COL16A1: variants seen among roughly 807,000 people sequenced by gnomAD.
The protein encoded by COL16A1 is collagen type XVI alpha 1 chain.
COL16A1 carries 189 observed loss-of-function variants against 266.3 expected under a neutral mutation model. The ratio of observed to expected loss-of-function variants is 0.71; its 90% CI spans 0.63 to 0.80. The LOEUF is 0.80. COL16A1 is among the 30% of genes least tolerant of loss of function. The pLI, the probability that COL16A1 is intolerant of heterozygous loss-of-function variation, is 0.00. For missense variants in COL16A1, 1,928 were observed against 2,122.4 expected, an observed-to-expected ratio of 0.91 and a Z score of 1.80; for synonymous variants, 740 against 782.3, an observed-to-expected ratio of 0.95 and a Z score of 0.90.
In COL16A1 at chr1:31,688,550, C is replaced by G; in HGVS notation, c.1768-48G>C. 2 of 1,612,864 alleles carry G rather than the reference C, an allele frequency of 1.2e-6. No individual in the cohort carries two copies. The highest frequency in any genetic ancestry group is 1.7e-6 in the Non-Finnish European group (2 of 1,178,876). On this transcript the variant is annotated intron_variant, in intron 25 of 70. Transcript: ENST00000373672. This position sits in a 1 kb window ranked among gnomAD's most constrained non-coding sequence, Gnocchi z 4.9. ...TCTCAGCATCTCCCCACTCCCACCT[C>G]TCCAAGGCTCCCCGGGTCCCAGTGT...
At position 31,693,109 on chromosome 1, in the gene COL16A1, C is replaced by T; in HGVS notation, c.1054G>A (p.Gly352Arg). ...RGLPGPPGSKGEKGARGNDCV... is the reference protein window; with the variant it reads ...RGLPGPPGSKREKGARGNDCV... The stretch of plus-strand genomic sequence containing the variant: ...ACACTTACCCGTGCTCCCTTCTCTC[C>T]CTTGGAGCCTGGTGGACCAGGCAGG... The change falls in exon 13 of 71, where the codon GGA becomes AGA. Residue 352 changes from glycine (G) to arginine (R), a missense_variant. By Grantham distance (125) the Gly-to-Arg change is moderately radical. Coordinates refer to ENST00000373672, the MANE Select transcript of COL16A1 (RefSeq NM_001856.4). 3 of 1,611,474 alleles carry T rather than the reference C, an allele frequency of 1.9e-6. No homozygotes were observed. The highest frequency in any genetic ancestry group is 2.5e-6 in the Non-Finnish European group (3 of 1,177,852).
Position 31,683,176 on chromosome 1 carries a change from A to T in COL16A1, c.2469+18T>A. The T allele has an allele frequency of 1.9e-6, 3 of 1,613,996 alleles. No individual in the cohort carries two copies. The highest frequency in any genetic ancestry group is 2.5e-6 in the Non-Finnish European group (3 of 1,179,948). On this transcript the variant is annotated intron_variant, in intron 36 of 70. Coordinates refer to ENST00000373672, the MANE Select transcript of COL16A1 (RefSeq NM_001856.4). ...CTGGAATACTGCAGGCCCAATACCC[A>T]TGGAGGCAGAGGCTCACCTGGGCAC...
intron 52 of COL16A1, chr1:31,666,299 A>G (rs951016772): frequency 1.9e-5 from 11 of 578,720 alleles, no homozygotes; most frequent in African/African-American, 1.5e-4. Flanking sequence ...GGCTCACTGC[A>G]AGCCAGCCAG....
intron 16 of COL16A1, 69 bp from the exon 17 acceptor site, chr1:31,692,136 G>A: frequency 6.2e-7 from 1 of 1,606,660 alleles, no homozygotes; most frequent in Admixed American, 1.7e-5. Flanking sequence ...GCTCCATCTG[G>A]TGGAGGGACA....
At position 31,691,656 on chromosome 1, in the gene COL16A1, A is replaced by AG. The variant is rs757540876; in HGVS notation, c.1258-15dup. 5 of 1,612,366 alleles carry AG rather than the reference A, an allele frequency of 3.1e-6. No homozygotes were observed. The highest frequency in any genetic ancestry group is 2.5e-6 in the Non-Finnish European group (3 of 1,179,360). On this transcript the variant is annotated splice_polypyrimidine_tract_variant and intron_variant, in intron 17 of 70. Transcript: ENST00000373672. ...TCCTGGCCGGCCCTGTGGGGGGATAAGGGGGAGGGTGTACAAACAGCCCTG... is the reference window on the plus strand; with the variant it reads ...TCCTGGCCGGCCCTGTGGGGGGATAAGGGGGGAGGGTGTACAAACAGCCCTG...
In COL16A1 at chr1:31,656,595, GC is replaced by G; in HGVS notation, c.4057-152del. On this transcript the variant is annotated intron_variant, in intron 65 of 70. Transcript: ENST00000373672. The surrounding 1 kb of genome is among the most constrained non-coding windows in gnomAD (Gnocchi z 4.2). ...TGTGAGAAAGGAGCGCAGCCTCCCT[GC>G]CCAGCTGGAAGGGAAAATAATGTCC... 7.9e-7 allele frequency: 1 copy of G among 1,271,174 alleles called. No individual in the cohort carries two copies. The highest frequency in any genetic ancestry group is 2.6e-5 in the East Asian group (1 of 38,962). The allele number at this position is 1,271,174 out of a possible 1,614,324, so 78.7% of individuals were successfully genotyped here.
chr1:31,691,649 G>A lies in COL16A1; in HGVS notation c.1258-7C>T, dbSNP rs759572841. The A allele has an allele frequency of 1.3e-5, 21 of 1,612,910 alleles. No individual in the cohort carries two copies. Among genetic ancestry groups the A allele is most frequent in the East Asian group, 2.2e-5 (1 of 44,874 alleles). On this transcript the variant is annotated splice_polypyrimidine_tract_variant and splice_region_variant and intron_variant, in intron 17 of 70. Transcript: ENST00000373672. ...AGATCTCTCCTGGCCGGCCCTGTGG[G>A]GGGATAAGGGGGAGGGTGTACAAAC...
intron 37 of COL16A1, 106 bp downstream of exon 37, chr1:31,682,828 T>C (rs1440143069): frequency 5.0e-6 from 7 of 1,402,496 alleles, no homozygotes; most frequent in Non-Finnish European, 6.9e-6. Context: ...TCTCCTCCCA[T>C]CCCCTGTGCT....
At chr1:31,659,354 G>T (rs2148661002) in intron 62 of COL16A1, among the ~76,000 whole-genome samples, 1 of 152,270 alleles carries the variant, frequency 6.6e-6, no homozygotes. Context: ...GAGGAGGGAA[G>T]ACCAGAAGCT....
Position 31,663,079 on chromosome 1 carries a change from C to G in COL16A1, c.3556-421G>C, listed in dbSNP as rs1211162528. The stretch of plus-strand genomic sequence containing the variant: ...CCCCCCATCCCAGCAGACATGGGCC[C>G]GGGCTGCACAGAGGCCTCAACAGCG... On this transcript the variant is annotated intron_variant, in intron 56 of 70. Transcript: ENST00000373672. The surrounding 1 kb of genome is among the most constrained non-coding windows in gnomAD (Gnocchi z 4.9). 2 of 245,064 alleles carry G rather than the reference C, an allele frequency of 8.2e-6. No individual in the cohort carries two copies. Among genetic ancestry groups the G allele is most frequent in the East Asian group, 2.0e-4 (2 of 9,830 alleles). The allele number at this position is 245,064 out of a possible 1,614,324, so 15.2% of individuals were successfully genotyped here.
intron 39 of COL16A1, among the ~76,000 whole-genome samples, 197 bp downstream of exon 39, chr1:31,680,708 T>C (rs941634643): frequency 6.6e-6 from 1 of 152,130 alleles, no homozygotes; most frequent in Non-Finnish European, 1.5e-5. Flanking sequence ...ACCAGAAAGC[T>C]GGGGGTAGCA....
At position 31,698,074 on chromosome 1, in the gene COL16A1, G is replaced by A; in HGVS notation, c.489C>T (p.Leu163=). Residue 163 remains leucine, a synonymous_variant, in exon 6 of 71, where the codon CTC becomes CTT. Coordinates refer to ENST00000373672, the MANE Select transcript of COL16A1 (RefSeq NM_001856.4). The surrounding 1 kb of genome is among the most constrained non-coding windows in gnomAD (Gnocchi z 4.1). ...FVSCIFPVPQ[L]FDLRWHKLML... is the part of the protein sequence containing the mutation. The stretch of plus-strand genomic sequence containing the variant: ...TCAGCTTGTGCCAACGCAAGTCGAA[G>A]AGCTGGGGCACTGGGAAGATGCAGG... The A allele has an allele frequency of 1.9e-6, 3 of 1,614,024 alleles. No homozygotes were observed. The highest frequency in any genetic ancestry group is 2.5e-6 in the Non-Finnish European group (3 of 1,180,048).
At chr1:31,691,282 G>A in intron 19 of COL16A1, 56 bp from the exon 20 acceptor site, 1 of 1,606,748 alleles carries the variant, frequency 6.2e-7, no homozygotes, top group Non-Finnish European at 8.5e-7. Context: ...GCTACAGCGA[G>A]ATCTTCTACC....
chr1:31,686,327 G>A (rs1420259047), intron 26 of COL16A1, 48 bp from the exon 27 acceptor site: 15 of 1,613,716 alleles, frequency 9.3e-6, no homozygotes, highest in Non-Finnish European at 1.3e-5. Flanking sequence ...TGGAGTCTGG[G>A]TGCTAGAGCA....
In COL16A1 at chr1:31,693,272, G is replaced by A. The variant is rs117381131; in HGVS notation, c.1009-118C>T. ...CCCCCACACACGGGTACGCAAATAC[G>A]CACACATGTGAGCAGTGTCCTGCCC... On this transcript the variant is annotated intron_variant, in intron 12 of 70. Coordinates refer to ENST00000373672, the MANE Select transcript of COL16A1 (RefSeq NM_001856.4). 706 of 682,854 alleles carry A rather than the reference G, an allele frequency of 1.0e-3. 18 individuals carry two copies. The East Asian group carries it at 0.017, about 17-fold the overall frequency. 42.3% of individuals were successfully genotyped at this position (682,854 alleles called of 1,614,324 possible).
In COL16A1 at chr1:31,668,255, A is replaced by G; in HGVS notation, c.3250-37T>C. 1.9e-6 allele frequency: 3 copies of G among 1,607,842 alleles called. No individual in the cohort carries two copies. Among genetic ancestry groups the G allele is most frequent in the Non-Finnish European group, 1.7e-6 (2 of 1,174,706 alleles). ...GGCAGACATGATGGATAGCCCCCCA[A>G]CATTTCTGTTCTCCCCTCGCTGGGT... On this transcript the variant is annotated intron_variant, in intron 50 of 70. Transcript: ENST00000373672. This position sits in a 1 kb window ranked among gnomAD's most constrained non-coding sequence, Gnocchi z 5.8.
At chr1:31,655,947 T>C (rs945215) in intron 66 of COL16A1, 281,280 of 287,254 alleles carry the variant, frequency 0.98, 137,837 homozygotes, top group Non-Finnish European at 0.99. Context: ...CTGTTCTCTC[T>C]GCAGCCTCTC....
chr1:31,676,514 C>T (rs1451507815), intron 42 of COL16A1, among the ~76,000 whole-genome samples: 2 of 152,068 alleles, frequency 1.3e-5, no homozygotes, highest in African/African-American at 2.4e-5. Context: ...TGGGTACTTG[C>T]CAGTCAGATT....
Position 31,688,495 on chromosome 1 carries a change from G to A in COL16A1, c.1775C>T (p.Ala592Val), listed in dbSNP as rs757109752. 2.5e-6 allele frequency: 4 copies of A among 1,613,948 alleles called. No homozygotes were observed. In the East Asian group the frequency reaches 6.7e-5, roughly 27 times the overall value. The stretch of plus-strand genomic sequence containing the variant: ...CTCTCCTTTCAGCCCTGGAACCCCA[G>A]CTCTACCCTGAAAAACAACCAAGAC... ...GFGLPGLPGRAGVPGLKGEKG... is the reference protein window; with the variant it reads ...GFGLPGLPGRVGVPGLKGEKG... Residue 592 changes from alanine (A) to valine (V), a missense_variant, in exon 26 of 71, where the codon GCT becomes GTT. Ala to Val is a moderately conservative substitution (Grantham distance 64). Coordinates refer to ENST00000373672, the MANE Select transcript of COL16A1 (RefSeq NM_001856.4). The surrounding 1 kb of genome is among the most constrained non-coding windows in gnomAD (Gnocchi z 4.9).
Sources: allele counts gnomAD v4.1 joint callset (sites outside exome capture counted in the v4.1 genomes callset), GRCh38; gene constraint gnomAD v4.1.1; non-coding constraint Gnocchi (gnomAD v3.1); transcripts MANE v1.5; gene names NCBI Gene and HGNC (gene_info 2026-07-23, HGNC 2026-07-21).